Variants in MB21D2 observed in about 807,000 individuals in gnomAD.
MB21D2 encodes the protein nucleotidyltransferase MB21D2.
A neutral mutation model predicts 33.3 loss-of-function variants in MB21D2; 9 were observed. The ratio of observed to expected loss-of-function variants is 0.27; its 90% CI spans 0.16 to 0.47. The LOEUF (loss-of-function observed/expected upper bound fraction) is 0.47, where lower values mean the gene tolerates loss of function less well. Ranked by LOEUF, MB21D2 falls within the 20% of genes least tolerant of loss-of-function variation. MB21D2 has a pLI of 0.99. For synonymous variants in MB21D2, 241 were observed against 236.3 expected (o/e 1.02, Z -0.18); for missense variants, 540 against 624.6 (o/e 0.86, Z 1.44).
chr3:192,912,294 C>T (rs1714374345), intron 1 of MB21D2, among the ~76,000 whole-genome samples: 3 of 152,240 alleles, frequency 2.0e-5, no homozygotes, highest in Non-Finnish European at 4.4e-5. Flanking sequence ...TTGGCAAACA[C>T]TATTACATTC....
chr3:192,838,045 G>GCT (rs1712478732), intron 1 of MB21D2, among the ~76,000 whole-genome samples: 1 of 152,224 alleles, frequency 6.6e-6, no homozygotes, highest in Non-Finnish European at 1.5e-5. Flanking sequence ...TCCTGCACAG[G>GCT]CTCTCTCATG....
At chr3:192,899,562 A>G (rs374837106) in intron 1 of MB21D2, among the ~76,000 whole-genome samples, 111 of 152,298 alleles carry the variant, frequency 7.3e-4, no homozygotes, top group African/African-American at 2.5e-3. Flanking sequence ...TGGGATGCCC[A>G]TAATGGGTTC....
chr3:192,864,204 T>C (rs1265218185), intron 1 of MB21D2, among the ~76,000 whole-genome samples: 1 of 152,172 alleles, frequency 6.6e-6, no homozygotes, highest in African/African-American at 2.4e-5. Flanking sequence ...AAGTACTTTC[T>C]AGGCATGTCA....
intron 1 of MB21D2, among the ~76,000 whole-genome samples, chr3:192,841,795 T>A (rs990145546): frequency 6.6e-6 from 1 of 152,000 alleles, no homozygotes; most frequent in South Asian, 2.1e-4. Flanking sequence ...TCGCTAGGAG[T>A]TGCTAGGGTT....
At chr3:192,809,128 G>A (rs914872483) in intron 1 of MB21D2, among the ~76,000 whole-genome samples, 2 of 151,922 alleles carry the variant, frequency 1.3e-5, no homozygotes, top group African/African-American at 2.4e-5. Flanking sequence ...ATGGAGTCTC[G>A]CTCTGTCCCC....
At chr3:192,914,246 T>C (rs1489064608) in intron 1 of MB21D2, among the ~76,000 whole-genome samples, 1 of 152,184 alleles carries the variant, frequency 6.6e-6, no homozygotes, top group Admixed American at 6.5e-5. Context: ...ATCTATGTAA[T>C]GGGAAAGCAA....
At chr3:192,852,405 C>T (rs1484590363) in intron 1 of MB21D2, among the ~76,000 whole-genome samples, 1 of 152,186 alleles carries the variant, frequency 6.6e-6, no homozygotes, top group Non-Finnish European at 1.5e-5. Context: ...CTTGAACTGA[C>T]AGTCAGTAAA....
Position 192,798,673 on chromosome 3 carries a change from C to A in MB21D2, c.1189G>T (p.Ala397Ser). 1.9e-6 allele frequency: 3 copies of A among 1,613,292 alleles called. No individual in the cohort carries two copies. The highest frequency in any genetic ancestry group is 2.2e-5 in the East Asian group (1 of 44,876). The change falls in exon 2 of 2, where the codon GCC becomes TCC. Residue 397 changes from alanine (A) to serine (S), a missense_variant. By Grantham distance (99) the Ala-to-Ser change is moderately conservative. Coordinates refer to ENST00000392452, the MANE Select transcript of MB21D2 (RefSeq NM_178496.4). The surrounding 1 kb of genome is among the most constrained non-coding windows in gnomAD (Gnocchi z 4.8). ...HLSEETVMLHARKLSSVRSDP... is the reference protein window; with the variant it reads ...HLSEETVMLHSRKLSSVRSDP... ...GAGCGCACAGAGGACAGCTTCCGGG[C>A]GTGAAGCATGACTGTCTCCTCAGAC...
intron 1 of MB21D2, among the ~76,000 whole-genome samples, chr3:192,896,499 C>T (rs1404237513): frequency 6.6e-6 from 1 of 152,292 alleles, no homozygotes; most frequent in African/African-American, 2.4e-5. Context: ...ACAACAGGTG[C>T]ATGCCACCAC....
intron 1 of MB21D2, among the ~76,000 whole-genome samples, chr3:192,802,045 C>T (rs550633854): frequency 3.9e-5 from 6 of 152,242 alleles, no homozygotes; most frequent in East Asian, 1.9e-4. Context: ...CACTGTGATA[C>T]GGCATCCAGG....
At chr3:192,818,966 C>G (rs1372785750) in intron 1 of MB21D2, among the ~76,000 whole-genome samples, 1 of 148,626 alleles carries the variant, frequency 6.7e-6, no homozygotes, top group African/African-American at 2.5e-5. Context: ...TCTCAATTAA[C>G]TGAATATCCG....
intron 1 of MB21D2, among the ~76,000 whole-genome samples, chr3:192,857,781 C>T (rs989923703): frequency 5.9e-5 from 9 of 152,172 alleles, no homozygotes; most frequent in East Asian, 1.9e-4. Context: ...ACATGCTGCA[C>T]GAGGAATTCA....
chr3:192,846,210 A>G (rs2108627426), intron 1 of MB21D2, among the ~76,000 whole-genome samples: 1 of 152,342 alleles, frequency 6.6e-6, no homozygotes, highest in East Asian at 1.9e-4. Context: ...GTTAAATGTT[A>G]TAAAACTTAC....
rs561658349 is a variant in MB21D2, at chr3:192,818,221, A to G, written c.212-18571T>C. Among the ~76,000 whole-genome samples, 25 of 152,228 alleles carry G rather than the reference A, an allele frequency of 1.6e-4. No homozygotes were observed. In the South Asian group the frequency reaches 2.1e-3, roughly 13 times the overall value. The stretch of plus-strand genomic sequence containing the variant: ...ATGAGTTTTTTGAAGACAGGAACGG[A>G]GCCTTATTCACCTGCATCCCCCTGT... On this transcript the variant is annotated intron_variant, in intron 1 of 1. Transcript: ENST00000392452.
intron 1 of MB21D2, among the ~76,000 whole-genome samples, chr3:192,834,144 A>G (rs986745192): frequency 2.0e-5 from 3 of 152,024 alleles, no homozygotes; most frequent in African/African-American, 7.2e-5. Flanking sequence ...GGTCCCTCAG[A>G]TTCTCTGACT....
intron 1 of MB21D2, among the ~76,000 whole-genome samples, chr3:192,827,823 G>A (rs1712210311): frequency 1.3e-5 from 2 of 152,078 alleles, no homozygotes; most frequent in South Asian, 4.1e-4. Context: ...AAGTTCACTG[G>A]TAGCTTTTTG....
At chr3:192,908,964 T>C (rs990831375) in intron 1 of MB21D2, among the ~76,000 whole-genome samples, 2 of 151,678 alleles carry the variant, frequency 1.3e-5, no homozygotes, top group Admixed American at 6.6e-5. Context: ...AGTATTAAAA[T>C]ACAAAATGCG....
chr3:192,829,763 G>C (rs1299697619), intron 1 of MB21D2, among the ~76,000 whole-genome samples: 1 of 152,200 alleles, frequency 6.6e-6, no homozygotes, highest in Non-Finnish European at 1.5e-5. Context: ...ATCTCGCTCT[G>C]TTTCCCAAGC....
chr3:192,817,727 A>T (rs1711958070), intron 1 of MB21D2, among the ~76,000 whole-genome samples: 1 of 151,982 alleles, frequency 6.6e-6, no homozygotes. Flanking sequence ...TCACAGGGAC[A>T]ACTGCAATAC....
Sources: allele counts gnomAD v4.1 joint callset (sites outside exome capture counted in the v4.1 genomes callset), GRCh38; gene constraint gnomAD v4.1.1; non-coding constraint Gnocchi (gnomAD v3.1); transcripts MANE v1.5; gene names NCBI Gene and HGNC (gene_info 2026-07-23, HGNC 2026-07-21).